UNC5D: variants seen among roughly 807,000 people sequenced by gnomAD.
The protein encoded by UNC5D is netrin receptor UNC5D.
UNC5D carries 39 observed loss-of-function variants against 105.4 expected under a neutral mutation model. That is an observed-to-expected ratio of 0.37 (90% CI 0.29 to 0.48). UNC5D has a LOEUF of 0.48. Ranked by LOEUF, UNC5D falls within the 20% of genes least tolerant of loss-of-function variation. The pLI is 0.98. For synonymous variants in UNC5D, 452 were observed against 450.4 expected, an observed-to-expected ratio of 1.00 and a Z score of -0.04; for missense variants, 991 against 1,202.4, an observed-to-expected ratio of 0.82 and a Z score of 2.60.
intron 4 of UNC5D, among the ~76,000 whole-genome samples, chr8:35,681,465 C>T (rs970153303): frequency 1.3e-5 from 2 of 152,126 alleles, no homozygotes; most frequent in African/African-American, 2.4e-5. Context: ...AGGTATTTGT[C>T]AAATGAACAA....
intron 1 of UNC5D, among the ~76,000 whole-genome samples, chr8:35,325,110 T>C (rs1488724131): frequency 1.3e-5 from 2 of 152,148 alleles, no homozygotes; most frequent in East Asian, 3.9e-4. Flanking sequence ...TGGGAGACCC[T>C]TGGAATCAGG....
chr8:35,422,516 T>A (rs1805985737), intron 1 of UNC5D, among the ~76,000 whole-genome samples: 2 of 152,210 alleles, frequency 1.3e-5, no homozygotes, highest in Admixed American at 1.3e-4. Flanking sequence ...GCAGGAGAAT[T>A]GCCTCTGCAA....
intron 1 of UNC5D, among the ~76,000 whole-genome samples, chr8:35,237,141 T>G (rs1178680002): frequency 1.3e-5 from 2 of 151,440 alleles, no homozygotes; most frequent in Non-Finnish European, 2.9e-5. Context: ...CATTGTATGA[T>G]CCTATTCTTT....
chr8:35,791,890 T>C lies in UNC5D; in HGVS notation c.*1327T>C, dbSNP rs537602515. The C allele has an allele frequency of 6.6e-6, 1 of 152,266 alleles. No homozygotes were observed. The highest frequency in any genetic ancestry group is 1.5e-5 in the Non-Finnish European group (1 of 68,026). 9.4% of individuals were successfully genotyped at this position (152,266 alleles called of 1,614,324 possible). A position where few individuals can be genotyped will look rare whatever the true frequency, so the allele number is the denominator to read the frequency against. ...AAGATTGAAATCCACAGATAATTCA[T>C]GACCCTCATCTTATCACTTTACTCC... On this transcript the variant is annotated 3_prime_UTR_variant, in exon 17 of 17. Coordinates refer to ENST00000404895, the MANE Select transcript of UNC5D (RefSeq NM_080872.4).
At chr8:35,466,637 T>C (rs1359228043) in intron 1 of UNC5D, among the ~76,000 whole-genome samples, 1 of 152,188 alleles carries the variant, frequency 6.6e-6, no homozygotes, top group East Asian at 1.9e-4. Context: ...CATTCAAAAA[T>C]GGAAATTCAA....
intron 12 of UNC5D, among the ~76,000 whole-genome samples, 169 bp downstream of exon 12, chr8:35,748,864 C>A (rs1331887436): frequency 2.0e-5 from 3 of 152,090 alleles, no homozygotes; most frequent in Non-Finnish European, 4.4e-5. Context: ...TTTCTTCCCC[C>A]CCCATTATAA....
intron 15 of UNC5D, among the ~76,000 whole-genome samples, chr8:35,770,496 T>C (rs1801963344): frequency 1.3e-5 from 2 of 152,186 alleles, no homozygotes; most frequent in Non-Finnish European, 2.9e-5. Context: ...TGTTTTACTC[T>C]TTAGTGTGGT....
intron 1 of UNC5D, among the ~76,000 whole-genome samples, chr8:35,261,609 G>A (rs559877756): frequency 6.7e-6 from 1 of 148,830 alleles, no homozygotes; most frequent in South Asian, 2.1e-4. Context: ...ATACAACCTG[G>A]CTTTGAAATG....
chr8:35,714,089 T>C (rs1828116196), intron 8 of UNC5D, among the ~76,000 whole-genome samples: 1 of 152,188 alleles, frequency 6.6e-6, no homozygotes, highest in Admixed American at 6.5e-5. Flanking sequence ...GACTGGTCCA[T>C]GTGGATATCC....
At chr8:35,248,085 A>G (rs1247097198) in intron 1 of UNC5D, among the ~76,000 whole-genome samples, 1 of 73,902 alleles carries the variant, frequency 1.4e-5, no homozygotes, top group Non-Finnish European at 2.3e-5. Context: ...TAAAAAATAT[A>G]ATATATAAAT....
intron 9 of UNC5D, 146 bp downstream of exon 9, chr8:35,722,541 G>A (rs111437084): frequency 7.2e-5 from 76 of 1,052,304 alleles, no homozygotes; most frequent in African/African-American, 3.1e-4. Context: ...TGAACAGACC[G>A]GGCTGGGTGA....
Position 35,364,213 on chromosome 8 carries a change from A to G in UNC5D, c.103+128326A>G, listed in dbSNP as rs530687774. ...TAAATAAATTTTCATTATTCTTTCT[A>G]TATTTGTCACTTGGTACTCTATGGT... On this transcript the variant is annotated intron_variant, in intron 1 of 16. Transcript: ENST00000404895. 1.1e-4 allele frequency among the ~76,000 whole-genome samples: 17 copies of G among 152,218 alleles called. No individual in the cohort carries two copies. In the East Asian group the frequency reaches 2.9e-3, roughly 26 times the overall value.
chr8:35,757,377 GC>G (rs1378225857), intron 13 of UNC5D, among the ~76,000 whole-genome samples: 1 of 151,998 alleles, frequency 6.6e-6, no homozygotes, highest in African/African-American at 2.4e-5. Context: ...GCTCCGTCTA[GC>G]CACCATGCTT....
intron 4 of UNC5D, among the ~76,000 whole-genome samples, chr8:35,657,705 C>G (rs1823862593): frequency 6.6e-6 from 1 of 152,174 alleles, no homozygotes; most frequent in Non-Finnish European, 1.5e-5. Flanking sequence ...AACCTGGTCT[C>G]AAACTTATGA....
At chr8:35,336,661 T>C (rs1426417276) in intron 1 of UNC5D, among the ~76,000 whole-genome samples, 1 of 152,164 alleles carries the variant, frequency 6.6e-6, no homozygotes, top group Non-Finnish European at 1.5e-5. Context: ...TGCTTGAAAG[T>C]AGCCTGCCTA....
intron 1 of UNC5D, among the ~76,000 whole-genome samples, chr8:35,479,685 G>C (rs1209058484): frequency 6.6e-6 from 1 of 152,058 alleles, no homozygotes; most frequent in Non-Finnish European, 1.5e-5. Context: ...AACTAATATA[G>C]GAATAGAAAA....
intron 1 of UNC5D, among the ~76,000 whole-genome samples, chr8:35,353,688 T>C (rs1255779683): frequency 6.6e-6 from 1 of 151,920 alleles, no homozygotes; most frequent in African/African-American, 2.4e-5. Context: ...TTATTATTCT[T>C]AAAAAGAAGA....
At chr8:35,663,238 G>A (rs184680318) in intron 4 of UNC5D, among the ~76,000 whole-genome samples, 1 of 152,212 alleles carries the variant, frequency 6.6e-6, no homozygotes, top group East Asian at 1.9e-4. Flanking sequence ...GAGAGCAGAG[G>A]ACAAACAGTC....
Position 35,243,561 on chromosome 8 carries a change from T to C in UNC5D, c.103+7674T>C, listed in dbSNP as rs142056230. Among the ~76,000 whole-genome samples, 169 of 152,308 alleles carry C rather than the reference T, an allele frequency of 1.1e-3. 5 individuals carry two copies. The East Asian group carries it at 0.023, about 21-fold the overall frequency. ...CTTTCTGTAGCACTCTTTCACGTTATTCTCTTGGCAGGAGCTACATATGCT... is the reference window on the plus strand; with the variant it reads ...CTTTCTGTAGCACTCTTTCACGTTACTCTCTTGGCAGGAGCTACATATGCT... On this transcript the variant is annotated intron_variant, in intron 1 of 16. Coordinates refer to ENST00000404895, the MANE Select transcript of UNC5D (RefSeq NM_080872.4).
Sources: gnomAD v4.1 joint callset for allele counts (sites outside exome capture counted in the v4.1 genomes callset) on GRCh38, gnomAD v4.1.1 for gene constraint, MANE v1.5 for transcripts, NCBI Gene and HGNC (gene_info 2026-07-23, HGNC 2026-07-21) for gene names.